The following NFATC3 variants were observed in gnomAD, a reference collection of about 807,000 sequenced individuals.
NFATC3 encodes the protein nuclear factor of activated T-cells, cytoplasmic 3.
NFATC3 carries 46 observed loss-of-function variants against 98.6 expected under a neutral mutation model. The observed-to-expected ratio is 0.47, with a 90% CI of 0.37 to 0.60. NFATC3 has a LOEUF of 0.60. Among genes scored for constraint, NFATC3 ranks in the 20% least tolerant of loss-of-function variants. The pLI is 0.00. For missense variants in NFATC3, 1,256 were observed against 1,295.5 expected (o/e 0.97, Z 0.47); for synonymous variants, 512 against 472.2 (o/e 1.08, Z -1.09).
At chr16:68,148,573 AAG>A (rs1160056302) in intron 3 of NFATC3, among the ~76,000 whole-genome samples, 2 of 152,238 alleles carry the variant, frequency 1.3e-5, no homozygotes, top group African/African-American at 4.8e-5. Context: ...GCAGGTGAGA[AAG>A]AACCAATAAG....
intron 9 of NFATC3, chr16:68,221,665 T>C (rs2041869073): frequency 4.3e-5 from 36 of 834,256 alleles, no homozygotes; most frequent in Non-Finnish European, 5.1e-5. Flanking sequence ...GTATAATGTA[T>C]AGTTGAGTAT....
intron 9 of NFATC3, chr16:68,214,292 G>A: frequency 1.3e-6 from 2 of 1,531,492 alleles, no homozygotes; most frequent in Non-Finnish European, 1.8e-6. Flanking sequence ...CCTCTGGTTT[G>A]TTCCATTCAG....
At chr16:68,088,351 T>G (rs1302841465) in intron 1 of NFATC3, among the ~76,000 whole-genome samples, 1 of 146,690 alleles carries the variant, frequency 6.8e-6, no homozygotes, top group Non-Finnish European at 1.5e-5. Context: ...ACATATATTA[T>G]ATATAAAATA....
intron 9 of NFATC3, among the ~76,000 whole-genome samples, chr16:68,193,621 C>G (rs952274688): frequency 2.0e-5 from 3 of 151,932 alleles, no homozygotes; most frequent in Non-Finnish European, 4.4e-5. Flanking sequence ...GTGAGCTGAT[C>G]GCATACTATT....
chr16:68,191,457 G>A lies in NFATC3; in HGVS notation c.2788G>A (p.Ala930Thr), dbSNP rs775193293. 2 of 1,614,104 alleles carry A rather than the reference G, an allele frequency of 1.2e-6. No individual in the cohort carries two copies. Among genetic ancestry groups the A allele is most frequent in the Non-Finnish European group, 1.7e-6 (2 of 1,180,030 alleles). The change falls in exon 9 of 10, where the codon GCT (alanine) becomes ACT (threonine). Residue 930 changes from alanine (A) to threonine (T), a missense_variant. By Grantham distance (58) the Ala-to-Thr change is moderately conservative. This residue lies in a region of NFATC3 where 636 missense variants were observed against 617.3 expected (regional missense o/e 1.03). Transcript: ENST00000346183. ...SGSATTASPA[A>T]SHPLASSPLS... ...GTCTGCTACAACAGCTTCCCCAGCA[G>A]CTTCTCATCCCTTGGCTAGTTCACC...
chr16:68,151,418 AATG>A (rs1221946690), intron 3 of NFATC3, among the ~76,000 whole-genome samples: 1 of 152,134 alleles, frequency 6.6e-6, no homozygotes, highest in Non-Finnish European at 1.5e-5. Context: ...GATTTTTTGA[AATG>A]ATGAACTCTT....
intron 8 of NFATC3, chr16:68,189,367 T>C: frequency 4.7e-6 from 1 of 214,132 alleles, no homozygotes; most frequent in Non-Finnish European, 9.9e-6. Flanking sequence ...GCCTTATTTA[T>C]TCCAGCTTGG....
chr16:68,085,915 T>G, intron 1 of NFATC3, 131 bp downstream of exon 1: 3 of 647,550 alleles, frequency 4.6e-6, no homozygotes, highest in Non-Finnish European at 7.1e-6. Context: ...CGCGTGTGTG[T>G]GGTGAGTTAA....
intron 1 of NFATC3, among the ~76,000 whole-genome samples, chr16:68,106,686 A>G (rs562798475): frequency 4.2e-4 from 64 of 151,838 alleles, no homozygotes; most frequent in African/African-American, 1.2e-3. Flanking sequence ...TCAGCCTCCC[A>G]AAGAGCTGGG....
chr16:68,155,267 G>A (rs541106322), intron 3 of NFATC3, among the ~76,000 whole-genome samples: 1 of 152,274 alleles, frequency 6.6e-6, no homozygotes, highest in East Asian at 1.9e-4. Context: ...AGGAGGCATG[G>A]CAGGAGAACT....
At chr16:68,172,488 A>G (rs1011029748) in intron 5 of NFATC3, among the ~76,000 whole-genome samples, 1 of 152,210 alleles carries the variant, frequency 6.6e-6, no homozygotes, top group African/African-American at 2.4e-5. Flanking sequence ...GAGGTCAGGT[A>G]TGCCGACTCA....
chr16:68,192,230 A>AAAAAT (rs1555522047), intron 9 of NFATC3: 901 of 82,580 alleles, frequency 0.011, 108 homozygotes, highest in African/African-American at 0.039. Context: ...AAAAAAAAAA[A>AAAAAT]ATATATATAT....
rs183277970 is a variant in NFATC3 at position 68,158,572 on chromosome 16, G to T, written c.1601+504G>T. ...TATGCAGTGGCTTGAACAGTTAGGG[G>T]TTTAGTGTTTTATCACATAAACGAA... On this transcript the variant is annotated intron_variant, in intron 4 of 9. Coordinates refer to ENST00000346183, the MANE Select transcript of NFATC3 (RefSeq NM_173165.3). Among the ~76,000 whole-genome samples, 403 of 152,218 alleles carry T rather than the reference G, an allele frequency of 2.6e-3. 3 individuals carry two copies. The highest frequency in any genetic ancestry group is 9.5e-3 in the African/African-American group (396 of 41,512).
chr16:68,109,440 G>A (rs1380938421), intron 1 of NFATC3, among the ~76,000 whole-genome samples: 1 of 152,164 alleles, frequency 6.6e-6, no homozygotes, highest in Non-Finnish European at 1.5e-5. Flanking sequence ...GATCCTGGTC[G>A]ATAAGCTTTT....
At chr16:68,214,576 T>A in intron 9 of NFATC3, 2 of 646,966 alleles carry the variant, frequency 3.1e-6, no homozygotes, top group Non-Finnish European at 2.8e-6. Context: ...GAACTACACT[T>A]TGACTAAAAG....
rs1387535521 is a variant in NFATC3, at chr16:68,191,278, C to G, written c.2609C>G (p.Pro870Arg). The part of the protein sequence containing the change: ...GSTGHLLAHT[P>R]HSVHTLPHLQ... ...ACAGGACATCTCTTAGCCCATACACCTCATTCTGTGCATACCCTGCCTCAT... is the reference window on the plus strand; with the variant it reads ...ACAGGACATCTCTTAGCCCATACACGTCATTCTGTGCATACCCTGCCTCAT... Residue 870 changes from proline to arginine, a missense_variant, in exon 9 of 10, where the codon CCT becomes CGT. Coordinates refer to ENST00000346183, the MANE Select transcript of NFATC3 (RefSeq NM_173165.3). 1 of 1,614,046 alleles carries G rather than the reference C, an allele frequency of 6.2e-7. No homozygotes were observed. Among genetic ancestry groups the G allele is most frequent in the African/African-American group, 1.3e-5 (1 of 74,918 alleles).
At position 68,191,619 on chromosome 16, in the gene NFATC3, G is replaced by A. The variant is rs755220865; in HGVS notation, c.2950G>A (p.Gly984Arg). 2 of 1,614,120 alleles carry A rather than the reference G, an allele frequency of 1.2e-6. No homozygotes were observed. Among genetic ancestry groups the A allele is most frequent in the Non-Finnish European group, 1.7e-6 (2 of 1,180,028 alleles). Residue 984 changes from glycine (G) to arginine (R), a missense_variant, in exon 9 of 10, where the codon GGG (glycine) becomes AGG (arginine). Physicochemically the swap from Gly to Arg is moderately radical, Grantham distance 125. This residue lies in a region of NFATC3 where 636 missense variants were observed against 617.3 expected (regional missense o/e 1.03). Coordinates refer to ENST00000346183, the MANE Select transcript of NFATC3 (RefSeq NM_173165.3). Reference protein sequence around the residue: ...HSTQAQSTGQGGLSAPSSLIC... With the variant: ...HSTQAQSTGQRGLSAPSSLIC... ...AACTCAAGCACAAAGTACGGGCCAG[G>A]GGGGTCTTTCTGCACCTTCATCCTT...
Position 68,085,499 on chromosome 16 carries a change from G to A in NFATC3, c.-183G>A, listed in dbSNP as rs999664425. Reference sequence around the variant, plus strand: ...GCTGCGGTTCCTGGTGCTGCTCGGCGCGCGGCCAGCTTTCGGAACGGAACG... The same window carrying A: ...GCTGCGGTTCCTGGTGCTGCTCGGCACGCGGCCAGCTTTCGGAACGGAACG... On this transcript the variant is annotated 5_prime_UTR_variant, in exon 1 of 10. Transcript: ENST00000346183. The A allele has an allele frequency of 3.9e-6, 2 of 512,028 alleles. No individual in the cohort carries two copies. Among genetic ancestry groups the A allele is most frequent in the Non-Finnish European group, 6.7e-6 (2 of 298,848 alleles). 31.7% of individuals were successfully genotyped at this position (512,028 alleles called of 1,614,324 possible).
At position 68,228,024 on chromosome 16, in the gene NFATC3, C is replaced by T. The variant is rs1039275463; in HGVS notation, c.*1553C>T. 6.6e-6 allele frequency: 1 copy of T among 152,158 alleles called. No homozygotes were observed. Among genetic ancestry groups the T allele is most frequent in the Non-Finnish European group, 1.5e-5 (1 of 68,036 alleles). The allele number at this position is 152,158 out of a possible 1,614,324, so 9.4% of individuals were successfully genotyped here. On this transcript the variant is annotated 3_prime_UTR_variant, in exon 10 of 10. Coordinates refer to ENST00000346183, the MANE Select transcript of NFATC3 (RefSeq NM_173165.3). The stretch of plus-strand genomic sequence containing the variant: ...AGACTGCAGGCCCTTGATGCCAGGA[C>T]TCTCTCTACTAAGGCCAGTTCAGGT...
Sources: gnomAD v4.1 joint callset for allele counts (sites outside exome capture counted in the v4.1 genomes callset) on GRCh38, gnomAD v4.1.1 for gene constraint, gnomAD v4.1.1 regional missense constraint, MANE v1.5 for transcripts, NCBI Gene and HGNC (gene_info 2026-07-23, HGNC 2026-07-21) for gene names.